KIAA1958: variants seen among roughly 807,000 people sequenced by gnomAD.
KIAA1958 encodes the protein uncharacterized protein KIAA1958.
A neutral mutation model predicts 47.2 loss-of-function variants in KIAA1958; 14 were observed. That is an observed-to-expected ratio of 0.30 (90% CI 0.20 to 0.46). The LOEUF is 0.46. Ranked by LOEUF, KIAA1958 falls within the 20% of genes least tolerant of loss-of-function variation. KIAA1958 has a pLI of 1.00. For missense variants in KIAA1958, 803 were observed against 909.2 expected, an observed-to-expected ratio of 0.88 and a Z score of 1.50; for synonymous variants, 354 against 353.3, an observed-to-expected ratio of 1.00 and a Z score of -0.02.
At chr9:112,495,421 T>C (rs1834036779) in intron 1 of KIAA1958, among the ~76,000 whole-genome samples, 1 of 152,200 alleles carries the variant, frequency 6.6e-6, no homozygotes, top group African/African-American at 2.4e-5. Flanking sequence ...TTGTTGCTTA[T>C]CTGAAGTATT....
intron 2 of KIAA1958, among the ~76,000 whole-genome samples, chr9:112,641,996 A>G (rs1836898429): frequency 6.6e-6 from 1 of 152,184 alleles, no homozygotes; most frequent in East Asian, 1.9e-4. Flanking sequence ...GGAACATGAA[A>G]TTAGCTTTTC....
At chr9:112,515,913 A>C (rs1166181109) in intron 1 of KIAA1958, among the ~76,000 whole-genome samples, 1 of 147,498 alleles carries the variant, frequency 6.8e-6, no homozygotes, top group Non-Finnish European at 1.5e-5. Flanking sequence ...AAAAAAAAAA[A>C]GACTGAATGC....
intron 1 of KIAA1958, among the ~76,000 whole-genome samples, chr9:112,510,851 T>C (rs868273879): frequency 5.9e-5 from 9 of 152,090 alleles, no homozygotes; most frequent in South Asian, 2.1e-4. Flanking sequence ...GAGACACTTA[T>C]GCAGATCTAA....
chr9:112,606,722 G>A (rs1836242783), intron 2 of KIAA1958, among the ~76,000 whole-genome samples: 1 of 152,130 alleles, frequency 6.6e-6, no homozygotes, highest in Non-Finnish European at 1.5e-5. Context: ...TGTCCACTGA[G>A]TTACTGATGA....
At chr9:112,537,404 A>G (rs903905052) in intron 1 of KIAA1958, among the ~76,000 whole-genome samples, 7 of 152,226 alleles carry the variant, frequency 4.6e-5, no homozygotes, top group African/African-American at 1.7e-4. Flanking sequence ...CTGGGCCAGG[A>G]CAAGATATTT....
At chr9:112,505,517 T>C (rs1834219543) in intron 1 of KIAA1958, among the ~76,000 whole-genome samples, 1 of 152,236 alleles carries the variant, frequency 6.6e-6, no homozygotes, top group African/African-American at 2.4e-5. Flanking sequence ...AAATTAAGCT[T>C]AACAAATCCT....
At chr9:112,567,915 G>GCC (rs1377812293) in intron 1 of KIAA1958, among the ~76,000 whole-genome samples, 2 of 125,532 alleles carry the variant, frequency 1.6e-5, no homozygotes, top group Non-Finnish European at 3.1e-5. Flanking sequence ...CAGAGATTGT[G>GCC]CCACTGTACA....
At chr9:112,526,959 G>C (rs773989204) in intron 1 of KIAA1958, among the ~76,000 whole-genome samples, 2 of 152,176 alleles carry the variant, frequency 1.3e-5, no homozygotes, top group Non-Finnish European at 2.9e-5. Flanking sequence ...CTACAGCCTG[G>C]GAGGTGTTTA....
intron 2 of KIAA1958, among the ~76,000 whole-genome samples, chr9:112,609,407 T>A (rs1408067753): frequency 1.3e-5 from 2 of 152,162 alleles, no homozygotes; most frequent in Admixed American, 6.5e-5. Flanking sequence ...TTTTGATAAA[T>A]AAGCACAAGT....
At chr9:112,639,142 C>G (rs2131237508) in intron 2 of KIAA1958, among the ~76,000 whole-genome samples, 1 of 152,276 alleles carries the variant, frequency 6.6e-6, no homozygotes, top group South Asian at 2.1e-4. Flanking sequence ...TGCATTCTTT[C>G]CCTCTAAACG....
chr9:112,565,113 G>T (rs6477957), intron 1 of KIAA1958, among the ~76,000 whole-genome samples: 146,131 of 152,334 alleles, frequency 0.96, 70,139 homozygotes, highest in African/African-American at 0.99. Flanking sequence ...TGGTAGAAAG[G>T]CTGATTCGAT....
chr9:112,628,226 A>G (rs776054608), intron 2 of KIAA1958, among the ~76,000 whole-genome samples: 1 of 152,146 alleles, frequency 6.6e-6, no homozygotes, highest in African/African-American at 2.4e-5. Flanking sequence ...TAAAGGGGTA[A>G]TCTCCTGAAC....
intron 1 of KIAA1958, among the ~76,000 whole-genome samples, chr9:112,567,072 A>G (rs534433088): frequency 2.0e-5 from 3 of 152,226 alleles, no homozygotes; most frequent in Non-Finnish European, 4.4e-5. Context: ...TAATCTGAGT[A>G]ACAGTTATAC....
chr9:112,497,932 GTTAGAAGAC>G (rs1274403963), intron 1 of KIAA1958, among the ~76,000 whole-genome samples: 1 of 152,014 alleles, frequency 6.6e-6, no homozygotes, highest in Non-Finnish European at 1.5e-5. Flanking sequence ...TTGTTGTTAT[GTTAGAAGAC>G]TTATTTTCCC....
intron 1 of KIAA1958, among the ~76,000 whole-genome samples, chr9:112,491,417 C>G (rs185782278): frequency 1.3e-4 from 20 of 152,296 alleles, no homozygotes; most frequent in South Asian, 1.0e-3. Flanking sequence ...GTAGCTCCCC[C>G]CTTGGTTGCT....
At chr9:112,526,545 C>T (rs540323500) in intron 1 of KIAA1958, among the ~76,000 whole-genome samples, 10 of 152,292 alleles carry the variant, frequency 6.6e-5, no homozygotes, top group Middle Eastern at 3.4e-3. Context: ...CTTGCCCAGC[C>T]GAGACTGGGC....
chr9:112,611,626 T>C (rs372874312), intron 2 of KIAA1958, among the ~76,000 whole-genome samples: 8 of 152,106 alleles, frequency 5.3e-5, no homozygotes, highest in African/African-American at 1.7e-4. Context: ...TCTATTCTTA[T>C]AGAGGAAGAT....
chr9:112,593,431 C>T (rs1265446817), intron 2 of KIAA1958, among the ~76,000 whole-genome samples: 1 of 152,162 alleles, frequency 6.6e-6, no homozygotes, highest in African/African-American at 2.4e-5. Context: ...GCAGCTGGAC[C>T]ACATGCCCAC....
At chr9:112,499,983 C>T (rs1834107410) in intron 1 of KIAA1958, among the ~76,000 whole-genome samples, 2 of 151,970 alleles carry the variant, frequency 1.3e-5, no homozygotes, top group African/African-American at 4.8e-5. Flanking sequence ...CCACTGCGCC[C>T]GGCCTCCTAT....
Sources: allele counts gnomAD v4.1 joint callset (sites outside exome capture counted in the v4.1 genomes callset), GRCh38; gene constraint gnomAD v4.1.1; transcripts MANE v1.5; gene names NCBI Gene and HGNC (gene_info 2026-07-23, HGNC 2026-07-21).